Variants in GUCY2D observed in about 807,000 individuals in gnomAD.
GUCY2D encodes guanylate cyclase 2D, retinal, also known as retinal guanylyl cyclase 1.
Under a neutral mutation model 101.3 loss-of-function variants are expected in GUCY2D, and 70 were observed. The ratio of observed to expected loss-of-function variants is 0.69; its 90% CI spans 0.57 to 0.84. The LOEUF is 0.84. GUCY2D is among the 40% of genes least tolerant of loss of function. The pLI, the probability that GUCY2D is intolerant of heterozygous loss-of-function variation, is 0.00. For synonymous variants in GUCY2D, 688 were observed against 670.7 expected (o/e 1.03, Z -0.40); for missense variants, 1,460 against 1,542.5 (o/e 0.95, Z 0.90).
intron 8 of GUCY2D, among the ~76,000 whole-genome samples, chr17:8,010,682 C>T (rs9891219): frequency 0.38 from 56,753 of 151,144 alleles, 11,329 homozygotes; most frequent in East Asian, 0.69. Flanking sequence ...GTGGCGGGCG[C>T]CTGTAGTCCC....
At position 8,012,640 on chromosome 17, in the gene GUCY2D, G is replaced by A. The variant is rs112764660; in HGVS notation, c.2113+34G>A. The stretch of plus-strand genomic sequence containing the variant: ...CCCCTGTGCAGACGAGGATCCACCG[G>A]GATCCCCATTATTTCAAGGGCTTCT... On this transcript the variant is annotated intron_variant, in intron 10 of 19. Transcript: ENST00000254854. 3.9e-3 allele frequency: 6,223 copies of A among 1,577,132 alleles called. 141 individuals are homozygous for A. In the South Asian group the frequency reaches 0.042, roughly 11 times the overall value.
chr17:8,010,573 G>A (rs1475874493), intron 8 of GUCY2D, among the ~76,000 whole-genome samples: 3 of 151,980 alleles, frequency 2.0e-5, no homozygotes, highest in South Asian at 2.1e-4. Context: ...TTGGGAGGCC[G>A]AGGCGGGCGG....
chr17:8,017,427 G>T (rs1344978581), intron 19 of GUCY2D, among the ~76,000 whole-genome samples: 1 of 152,186 alleles, frequency 6.6e-6, no homozygotes, highest in African/African-American at 2.4e-5. Flanking sequence ...CCAGAGCAGG[G>T]TTTGTCACAT....
rs1280999882 is a variant in GUCY2D at position 8,009,573 on chromosome 17, C to T, written c.1736C>T (p.Thr579Met). 31 of 1,611,776 alleles carry T rather than the reference C, an allele frequency of 1.9e-5. No individual in the cohort carries two copies. Among genetic ancestry groups the T allele is most frequent in the East Asian group, 4.5e-5 (2 of 44,886 alleles). Reference protein sequence around the residue: ...QHIAIRPATKTAFSKLQELRH... With the variant: ...QHIAIRPATKMAFSKLQELRH... The stretch of plus-strand genomic sequence containing the variant: ...ATAGCTATCCGCCCAGCAACCAAGA[C>T]GGCCTTCTCCAAGGTGAGACTTGGG... Residue 579 changes from threonine (T) to methionine (M), a missense_variant, in exon 8 of 20, where the codon ACG becomes ATG. Around this residue, in one of 3 missense-constraint regions of GUCY2D, gnomAD observed 1,196 missense variants for 1,229.6 expected, o/e 0.97. Transcript: ENST00000254854.
At position 8,016,539 on chromosome 17, in the gene GUCY2D, G is replaced by T. The variant is rs759011004; in HGVS notation, c.*9G>T. On this transcript the variant is annotated 3_prime_UTR_variant, in exon 19 of 20. Transcript: ENST00000254854. ...CGGGCCAGTTCTCTTGAGAAGTGAG[G>T]CCCGGCCCCGGACAGGTACTGCCCC... 9.1e-6 allele frequency: 14 copies of T among 1,539,582 alleles called. No individual in the cohort carries two copies. Among genetic ancestry groups the T allele is most frequent in the Middle Eastern group, 1.7e-4 (1 of 5,968 alleles).
chr17:8,003,044 G>A lies in GUCY2D; in HGVS notation c.-4G>A, dbSNP rs1172027333. On this transcript the variant is annotated 5_prime_UTR_variant, in exon 2 of 20. Transcript: ENST00000254854. The stretch of plus-strand genomic sequence containing the variant: ...TGCTCCGTCTGTGTTCGCAGAAGCC[G>A]GCAATGACCGCCTGCGCCCGCCGAG... The A allele has an allele frequency of 1.3e-6, 2 of 1,525,234 alleles. No individual in the cohort carries two copies. The highest frequency in any genetic ancestry group is 1.8e-6 in the Non-Finnish European group (2 of 1,142,772). 94.5% of individuals were successfully genotyped at this position (1,525,234 alleles called of 1,614,324 possible).
chr17:8,012,609 A>G lies in GUCY2D; in HGVS notation c.2113+3A>G. The stretch of plus-strand genomic sequence containing the variant: ...ACCGGAGCCTCCCAGAGCGGAGGGT[A>G]AGAGTCCCCTGTGCAGACGAGGATC... On this transcript the variant is annotated splice_donor_region_variant and intron_variant, in intron 10 of 19. Coordinates refer to ENST00000254854, the MANE Select transcript of GUCY2D (RefSeq NM_000180.4). 3 of 1,611,256 alleles carry G rather than the reference A, an allele frequency of 1.9e-6. No individual in the cohort carries two copies. The highest frequency in any genetic ancestry group is 2.5e-6 in the Non-Finnish European group (3 of 1,178,146).
chr17:8,018,322 T>C (rs893492485), intron 19 of GUCY2D, among the ~76,000 whole-genome samples: 4 of 152,116 alleles, frequency 2.6e-5, no homozygotes, highest in African/African-American at 9.7e-5. Flanking sequence ...GTGAGCTCAT[T>C]AGAAATGAAG....
At chr17:8,015,218 C>A (rs1479645269) in intron 14 of GUCY2D, 110 bp from the exon 15 acceptor site, 2 of 1,144,426 alleles carry the variant, frequency 1.7e-6, no homozygotes, top group Non-Finnish European at 2.6e-6. Context: ...CTTCCACTAG[C>A]AACCTGGTTC....
chr17:8,010,534 CG>C (rs1975829030), intron 8 of GUCY2D, among the ~76,000 whole-genome samples: 1 of 152,026 alleles, frequency 6.6e-6, no homozygotes, highest in Admixed American at 6.6e-5. Context: ...TATCTGGGCG[CG>C]GTGGCTCACA....
In GUCY2D at chr17:8,014,926, T is replaced by A. The variant is rs1975934136; in HGVS notation, c.2644T>A (p.Tyr882Asn). 6.2e-7 allele frequency: 1 copy of A among 1,614,040 alleles called. No homozygotes were observed. The highest frequency in any genetic ancestry group is 8.5e-7 in the Non-Finnish European group (1 of 1,179,930). Reference sequence around the variant, plus strand: ...CGAGTACTTTGAGCAAGTGACACTGTACTTTAGTGACATTGTGGGCTTCAC... The same window carrying A: ...CGAGTACTTTGAGCAAGTGACACTGAACTTTAGTGACATTGTGGGCTTCAC... ...EPEYFEQVTL[Y>N]FSDIVGFTTI... The change falls in exon 14 of 20, where the codon TAC becomes AAC. Residue 882 changes from tyrosine (Y) to asparagine (N), a missense_variant. Coordinates refer to ENST00000254854, the MANE Select transcript of GUCY2D (RefSeq NM_000180.4). This position sits in a 1 kb window ranked among gnomAD's most constrained non-coding sequence, Gnocchi z 4.0.
rs774934785 is a variant in GUCY2D, at chr17:8,003,382, G to C, written c.335G>C (p.Gly112Ala). 8.2e-6 allele frequency: 12 copies of C among 1,470,806 alleles called. No homozygotes were observed. In the South Asian group the frequency reaches 1.6e-4, roughly 19 times the overall value. The allele number at this position is 1,470,806 out of a possible 1,614,324, so 91.1% of individuals were successfully genotyped here. A position where few individuals can be genotyped will look rare whatever the true frequency, so the allele number is the denominator to read the frequency against. Residue 112 changes from glycine to alanine, a missense_variant, in exon 2 of 20, where the codon GGG becomes GCG. Coordinates refer to ENST00000254854, the MANE Select transcript of GUCY2D (RefSeq NM_000180.4). ...PEPCRTPGSL[G>A]AVSSALARVS... is the part of the protein sequence containing the mutation. ...CCTTGCCGGACGCCGGGCTCGCTGG[G>C]GGCCGTGTCCTCCGCGCTGGCCCGC...
intron 8 of GUCY2D, among the ~76,000 whole-genome samples, chr17:8,010,185 C>T (rs1455980049): frequency 6.6e-6 from 1 of 152,124 alleles, no homozygotes; most frequent in African/African-American, 2.4e-5. Flanking sequence ...AAGCACCCAA[C>T]ACAGTGTCTG....
chr17:8,010,675 G>A (rs1297468097), intron 8 of GUCY2D, among the ~76,000 whole-genome samples: 1 of 151,922 alleles, frequency 6.6e-6, no homozygotes, highest in African/African-American at 2.4e-5. Flanking sequence ...GGGTGTGGTG[G>A]CGGGCGCCTG....
At position 8,015,031 on chromosome 17, in the gene GUCY2D, G is replaced by A. The variant is rs61750178; in HGVS notation, c.2749G>A (p.Gly917Ser). The change falls in exon 14 of 20, where the codon GGT becomes AGT. Residue 917 changes from glycine (G) to serine (S), a missense_variant. This residue lies in a region of GUCY2D where 49 missense variants were observed against 85.0 expected (regional missense o/e 0.58). Coordinates refer to ENST00000254854, the MANE Select transcript of GUCY2D (RefSeq NM_000180.4). The part of the protein sequence containing the change: ...DLYTLFDAII[G>S]SHDVYKVETI... ...CTACACACTCTTTGATGCCATCATT[G>A]GTTCCCACGATGTCTACAAGGTGCA... is the stretch of plus-strand genomic sequence containing the variant. The A allele has an allele frequency of 1.9e-6, 3 of 1,613,836 alleles. No individual in the cohort carries two copies. The highest frequency in any genetic ancestry group is 1.7e-4 in the Middle Eastern group (1 of 5,886).
chr17:8,015,072 G>C, intron 14 of GUCY2D, 21 bp downstream of exon 14: 1 of 1,602,748 alleles, frequency 6.2e-7, no homozygotes. Flanking sequence ...TAGGGGACAA[G>C]CCCTCCTGAC....
chr17:8,018,671 A>C (rs927017014), intron 19 of GUCY2D, among the ~76,000 whole-genome samples: 1 of 152,104 alleles, frequency 6.6e-6, no homozygotes, highest in Non-Finnish European at 1.5e-5. Context: ...GCAGCTAAAC[A>C]GCAACAGTCC....
intron 19 of GUCY2D, 97 bp downstream of exon 19, chr17:8,016,651 A>G (rs944857315): frequency 9.0e-6 from 6 of 666,326 alleles, no homozygotes; most frequent in African/African-American, 7.2e-5. Context: ...TTTCTGACTT[A>G]GAGAGCCCAG....
intron 19 of GUCY2D, chr17:8,016,872 A>C (rs1975988628): frequency 1.9e-5 from 5 of 267,814 alleles, no homozygotes; most frequent in East Asian, 8.1e-5. Context: ...ACAAGAGACA[A>C]CTCTAGGGGG....
Sources: allele counts gnomAD v4.1 joint callset (sites outside exome capture counted in the v4.1 genomes callset), GRCh38; gene constraint gnomAD v4.1.1; regional missense constraint gnomAD v4.1.1; non-coding constraint Gnocchi (gnomAD v3.1); transcripts MANE v1.5; gene names NCBI Gene and HGNC (gene_info 2026-07-23, HGNC 2026-07-21).